The following INTS6 variants were observed in gnomAD, a reference collection of about 807,000 sequenced individuals.
The protein encoded by INTS6 is DEAD box protein.
INTS6 carries 16 observed loss-of-function variants against 104.9 expected under a neutral mutation model. The observed-to-expected ratio is 0.15, with a 90% CI of 0.10 to 0.23. The LOEUF is 0.23. Among genes scored for constraint, INTS6 ranks in the 10% least tolerant of loss-of-function variants. The pLI, the probability that INTS6 is intolerant of heterozygous loss-of-function variation, is 1.00. For synonymous variants in INTS6, 324 were observed against 358.7 expected (o/e 0.90, Z 1.09); for missense variants, 584 against 1,062.8 (o/e 0.55, Z 6.26).
intron 4 of INTS6, among the ~76,000 whole-genome samples, chr13:51,419,942 T>A (rs918567942): frequency 2.0e-5 from 3 of 152,194 alleles, no homozygotes; most frequent in African/African-American, 7.2e-5. Flanking sequence ...CCAGAGCCTA[T>A]TTTTTGTAAA....
At chr13:51,406,988 C>T (rs186952529) in intron 4 of INTS6, among the ~76,000 whole-genome samples, 4 of 151,472 alleles carry the variant, frequency 2.6e-5, no homozygotes, top group Admixed American at 1.3e-4. Flanking sequence ...TTCCAATGTG[C>T]CCCTGGGAAG....
chr13:51,412,132 G>A (rs1956700633), intron 4 of INTS6, among the ~76,000 whole-genome samples: 2 of 152,124 alleles, frequency 1.3e-5, no homozygotes. Flanking sequence ...ACAGAAAGCA[G>A]GTCAGTTGTC....
chr13:51,348,149 C>T, the INTS6 span: 1 of 1,285,402 alleles, frequency 7.8e-7, no homozygotes, highest in African/African-American at 1.5e-5. Flanking sequence ...CTCTCAGGGT[C>T]CGACACTGGT....
chr13:51,414,580 T>C (rs937447479), intron 4 of INTS6, among the ~76,000 whole-genome samples: 2 of 152,144 alleles, frequency 1.3e-5, no homozygotes, highest in Non-Finnish European at 2.9e-5. Context: ...CTAGTCCCAA[T>C]TATTCAGATT....
intron 5 of INTS6, 29 bp from the exon 6 acceptor site, chr13:51,389,473 G>T (rs1566218347): frequency 3.2e-6 from 5 of 1,538,520 alleles, no homozygotes; most frequent in Non-Finnish European, 4.4e-6. Flanking sequence ...AGAAGAAGAA[G>T]AAGAAGAATA....
downstream of INTS6, among the ~76,000 whole-genome samples, chr13:51,352,298 G>C (rs1203970104): frequency 6.6e-6 from 1 of 151,640 alleles, no homozygotes; most frequent in African/African-American, 2.4e-5. Flanking sequence ...AATGTTTTGT[G>C]GTTTTCATTA....
chr13:51,394,547 A>T (rs897963969), intron 5 of INTS6, among the ~76,000 whole-genome samples: 39 of 152,036 alleles, frequency 2.6e-4, no homozygotes, highest in African/African-American at 8.9e-4. Flanking sequence ...GGAATGCTAG[A>T]CTTGCACATT....
chr13:51,372,311 T>G (rs1298544930), intron 15 of INTS6, among the ~76,000 whole-genome samples: 102 of 152,086 alleles, frequency 6.7e-4, no homozygotes, highest in African/African-American at 2.3e-3. Flanking sequence ...AACAGTTTTT[T>G]TTTTTTTTTT....
intron 4 of INTS6, among the ~76,000 whole-genome samples, chr13:51,403,321 C>T (rs1046678558): frequency 6.6e-6 from 1 of 152,124 alleles, no homozygotes; most frequent in Admixed American, 6.6e-5. Context: ...TGGTGGCTCA[C>T]ACCTGTAATC....
At chr13:51,380,993 G>A (rs1310109433) in intron 10 of INTS6, among the ~76,000 whole-genome samples, 19 of 151,938 alleles carry the variant, frequency 1.3e-4, no homozygotes, top group Admixed American at 1.2e-3. Flanking sequence ...ATCAACCACA[G>A]ACTGAAAACG....
At chr13:51,420,244 CAT>C (rs67559625) in intron 4 of INTS6, among the ~76,000 whole-genome samples, 68,425 of 150,244 alleles carry the variant, frequency 0.46, 16,836 homozygotes, top group African/African-American at 0.66. Flanking sequence ...GCAGTAGTCA[CAT>C]ATATAATTTC....
intron 3 of INTS6, among the ~76,000 whole-genome samples, chr13:51,355,360 G>A (rs1955465207): frequency 6.6e-6 from 1 of 152,116 alleles, no homozygotes; most frequent in Admixed American, 6.5e-5. Context: ...ATGGTTTTCA[G>A]AGACGACCTT....
At position 51,382,232 on chromosome 13, in the gene INTS6, TAAC is replaced by T. The variant is rs778354130; in HGVS notation, c.1181-112_1181-110del. On this transcript the variant is annotated intron_variant, in intron 9 of 17. Transcript: ENST00000311234. ...GTCTGCTTTGTTATTTTTGAGAGAG[TAAC>T]ATCAGACGTTTTTTAACATGAAAGT... The T allele has an allele frequency of 9.0e-4, 486 of 538,106 alleles. 1 individual carries two copies. The highest frequency in any genetic ancestry group is 1.3e-3 in the Non-Finnish European group (411 of 313,396). The allele number at this position is 538,106 out of a possible 1,614,324, so 33.3% of individuals were successfully genotyped here. A position where few individuals can be genotyped will look rare whatever the true frequency, so the allele number is the denominator to read the frequency against.
Position 51,363,401 on chromosome 13 carries a change from T to TG in INTS6, c.*2350dup, listed in dbSNP as rs1955621509. 6.6e-6 allele frequency: 1 copy of TG among 151,924 alleles called. No individual in the cohort carries two copies. The highest frequency in any genetic ancestry group is 2.4e-5 in the African/African-American group (1 of 41,404). 9.4% of individuals were successfully genotyped at this position (151,924 alleles called of 1,614,324 possible). The stretch of plus-strand genomic sequence containing the variant: ...GTGGCTGCTCTTCTGGTGATGGTTA[T>TG]GGAAGAGTTTAGAAATGAGTCTCAG... On this transcript the variant is annotated 3_prime_UTR_variant, in exon 18 of 18. Coordinates refer to ENST00000311234, the MANE Select transcript of INTS6 (RefSeq NM_012141.3).
Position 51,452,468 on chromosome 13 carries a change from G to A in INTS6, c.58C>T (p.Leu20=). Residue 20 remains leucine (L), a synonymous_variant, in exon 1 of 18, where the codon CTG becomes TTG. Transcript: ENST00000311234. The surrounding 1 kb of genome is among the most constrained non-coding windows in gnomAD (Gnocchi z 4.2). ...TSASMNQRSH[L]GTTYLDTAKG... ...GCCGTGTCCAGGTAGGTGGTGCCCA[G>A]ATGGCTGCGCTGGTTCATAGAGGCA... The A allele has an allele frequency of 6.2e-7, 1 of 1,612,338 alleles. No individual in the cohort carries two copies. The highest frequency in any genetic ancestry group is 8.5e-7 in the Non-Finnish European group (1 of 1,178,944).
chr13:51,355,059 C>G, intron 3 of INTS6: 2 of 1,536,058 alleles, frequency 1.3e-6, no homozygotes, highest in Non-Finnish European at 1.8e-6. Flanking sequence ...GATCCAAAAT[C>G]AATTCAACTT....
chr13:51,433,380 G>A (rs1263775495), intron 3 of INTS6, among the ~76,000 whole-genome samples: 2 of 152,210 alleles, frequency 1.3e-5, no homozygotes, highest in Non-Finnish European at 2.9e-5. Flanking sequence ...CCCAGAAGGT[G>A]GAGGTTGCAG....
chr13:51,427,328 G>A (rs974868789), intron 4 of INTS6, among the ~76,000 whole-genome samples: 2 of 152,172 alleles, frequency 1.3e-5, no homozygotes, highest in Admixed American at 1.3e-4. Context: ...TGAAAAGACA[G>A]TGATATAAAG....
the INTS6 span, among the ~76,000 whole-genome samples, chr13:51,335,471 A>G: frequency 6.6e-6 from 1 of 152,248 alleles, no homozygotes; most frequent in Admixed American, 6.5e-5. Flanking sequence ...AAACTTGAAA[A>G]ATAAAAGTGA....
Sources: allele counts gnomAD v4.1 joint callset (sites outside exome capture counted in the v4.1 genomes callset), GRCh38; gene constraint gnomAD v4.1.1; non-coding constraint Gnocchi (gnomAD v3.1); transcripts MANE v1.5; gene names NCBI Gene and HGNC (gene_info 2026-07-23, HGNC 2026-07-21).